The following BCAS3 variants were observed in gnomAD, a reference collection of about 807,000 sequenced individuals.
The protein encoded by BCAS3 is BCAS3 microtubule associated cell migration factor.
In BCAS3, 53 loss-of-function variants were observed where a neutral mutation model predicts 116.1. The observed-to-expected ratio is 0.46, with a 90% CI of 0.37 to 0.57. The LOEUF (loss-of-function observed/expected upper bound fraction) is 0.57, where lower values mean the gene tolerates loss of function less well. BCAS3 is among the 20% of genes least tolerant of loss of function. BCAS3 has a pLI of 0.00. For synonymous variants in BCAS3, 391 were observed against 408.2 expected (o/e 0.96, Z 0.51); for missense variants, 917 against 1,165.4 (o/e 0.79, Z 3.10).
chr17:61,340,160 A>G (rs1197982711), intron 22 of BCAS3, among the ~76,000 whole-genome samples: 1 of 152,096 alleles, frequency 6.6e-6, no homozygotes, highest in East Asian at 1.9e-4. Context: ...TAAGGGAAAG[A>G]GAGAAATGGG....
chr17:60,833,680 C>T (rs1338613377), intron 7 of BCAS3, among the ~76,000 whole-genome samples: 9 of 152,122 alleles, frequency 5.9e-5, no homozygotes, highest in South Asian at 4.1e-4. Context: ...TTATTTCGTT[C>T]GGTACATATG....
At chr17:61,165,667 CAA>C (rs956363538) in intron 22 of BCAS3, among the ~76,000 whole-genome samples, 4 of 152,130 alleles carry the variant, frequency 2.6e-5, no homozygotes, top group Admixed American at 2.6e-4. Context: ...GTCTGGGTAA[CAA>C]GAGTGAAACT....
intron 21 of BCAS3, 50 bp downstream of exon 21, chr17:61,078,579 C>T (rs768444444): frequency 2.3e-5 from 34 of 1,475,854 alleles, no homozygotes; most frequent in African/African-American, 5.6e-5. Context: ...TTAATATGTT[C>T]GTGTGAAATG....
chr17:61,149,086 A>C (rs7211464), intron 22 of BCAS3, among the ~76,000 whole-genome samples: 12,788 of 152,132 alleles, frequency 0.084, 1,824 homozygotes, highest in African/African-American at 0.29. Flanking sequence ...GAGTTCTTCA[A>C]GTTTCTCAAA....
chr17:60,900,334 A>G (rs2057802774), intron 10 of BCAS3: 1 of 152,104 alleles, frequency 6.6e-6, no homozygotes, highest in South Asian at 2.1e-4. Flanking sequence ...CCCTATGTTA[A>G]GTTTCAGGGC....
chr17:61,033,120 C>A (rs775095440), intron 16 of BCAS3, among the ~76,000 whole-genome samples: 16 of 152,198 alleles, frequency 1.1e-4, no homozygotes, highest in Admixed American at 8.5e-4. Context: ...GGCTGAGGGC[C>A]ATATAGAAAA....
intron 6 of BCAS3, among the ~76,000 whole-genome samples, chr17:60,793,726 G>T (rs2046975554): frequency 6.6e-6 from 1 of 152,060 alleles, no homozygotes. Context: ...TGCAAATGCT[G>T]TTAGTTCATT....
intron 19 of BCAS3, chr17:61,070,038 A>AC (rs1568280454): frequency 1.3e-6 from 2 of 1,595,382 alleles, no homozygotes; most frequent in Non-Finnish European, 1.7e-6. Context: ...GACTCTGGAG[A>AC]CAGCCCAAAT....
intron 22 of BCAS3, among the ~76,000 whole-genome samples, chr17:61,167,800 A>T (rs2144098937): frequency 6.6e-6 from 1 of 152,338 alleles, no homozygotes; most frequent in East Asian, 1.9e-4. Context: ...GTTTGGAAGG[A>T]CATTTCATAC....
chr17:61,011,283 A>G (rs1292274082), intron 15 of BCAS3, among the ~76,000 whole-genome samples: 1 of 152,000 alleles, frequency 6.6e-6, no homozygotes, highest in Non-Finnish European at 1.5e-5. Flanking sequence ...ATAGCAATAG[A>G]CTTCATCTAG....
chr17:61,205,915 G>A lies in BCAS3; in HGVS notation c.2425+121351G>A, dbSNP rs1431135734. On this transcript the variant is annotated intron_variant, in intron 22 of 23. Coordinates refer to ENST00000407086, the MANE Select transcript of BCAS3 (RefSeq NM_017679.5). The surrounding 1 kb of genome is among the most constrained non-coding windows in gnomAD (Gnocchi z 5.2). Reference sequence around the variant, plus strand: ...ACCAAAAAGACAGCCCTTTTGCTTAGTTAGGAAGATAATTTATGTCCCCAA... The same window carrying A: ...ACCAAAAAGACAGCCCTTTTGCTTAATTAGGAAGATAATTTATGTCCCCAA... Among the ~76,000 whole-genome samples, 3 of 152,192 alleles carry A rather than the reference G, an allele frequency of 2.0e-5. No individual in the cohort carries two copies. Among genetic ancestry groups the A allele is most frequent in the Admixed American group, 1.3e-4 (2 of 15,284 alleles).
At chr17:60,792,957 T>C (rs2046904968) in intron 6 of BCAS3, among the ~76,000 whole-genome samples, 1 of 151,734 alleles carries the variant, frequency 6.6e-6, no homozygotes, top group African/African-American at 2.4e-5. Flanking sequence ...CTAGTGTGAC[T>C]GTGTTAGATA....
chr17:60,786,568 T>TATATATATATATATATATATAA (rs2046305914), intron 6 of BCAS3, among the ~76,000 whole-genome samples: 1 of 147,318 alleles, frequency 6.8e-6, no homozygotes, highest in Admixed American at 6.7e-5. Flanking sequence ...TATATATATA[T>TATATATATATATATATATATAA]ATAAAATGTG....
intron 22 of BCAS3, among the ~76,000 whole-genome samples, chr17:61,170,522 G>C (rs531737150): frequency 5.0e-4 from 76 of 151,870 alleles, no homozygotes; most frequent in Admixed American, 8.5e-4. Flanking sequence ...TTGATCTCCT[G>C]ACCTCATGAT....
rs1162431613 is a variant in BCAS3, at chr17:61,259,952, G to A, written c.2426-108375G>A. 6.6e-6 allele frequency among the ~76,000 whole-genome samples: 1 copy of A among 152,202 alleles called. No homozygotes were observed. Among genetic ancestry groups the A allele is most frequent in the Non-Finnish European group, 1.5e-5 (1 of 68,032 alleles). ...CACTATTTATTGAATTGCTGTGTGA[G>A]GTAGGCGTTGTACAGGCTGCCTAAC... On this transcript the variant is annotated intron_variant, in intron 22 of 23. Coordinates refer to ENST00000407086, the MANE Select transcript of BCAS3 (RefSeq NM_017679.5). The surrounding 1 kb of genome is among the most constrained non-coding windows in gnomAD (Gnocchi z 4.7).
rs1006669925 is a variant in BCAS3, at chr17:61,180,681, G to A, written c.2425+96117G>A. ...CTGAGGAGCATCAGTCCCATGCTTCGTGTCTGCACAGTGGAACATAAAGCA... is the reference window on the plus strand; with the variant it reads ...CTGAGGAGCATCAGTCCCATGCTTCATGTCTGCACAGTGGAACATAAAGCA... On this transcript the variant is annotated intron_variant, in intron 22 of 23. Transcript: ENST00000407086. This position sits in a 1 kb window ranked among gnomAD's most constrained non-coding sequence, Gnocchi z 6.0. Among the ~76,000 whole-genome samples the A allele has an allele frequency of 3.3e-5, 5 of 152,204 alleles. No individual in the cohort carries two copies. Among genetic ancestry groups the A allele is most frequent in the East Asian group, 1.9e-4 (1 of 5,204 alleles).
At chr17:60,799,806 T>C (rs981996275) in intron 6 of BCAS3, among the ~76,000 whole-genome samples, 2 of 140,388 alleles carry the variant, frequency 1.4e-5, no homozygotes, top group Admixed American at 7.6e-5. Flanking sequence ...TCTGCCTGCC[T>C]CGGCCTCCCA....
Position 61,228,249 on chromosome 17 carries a change from T to G in BCAS3, c.2426-140078T>G, listed in dbSNP as rs1357605530. Among the ~76,000 whole-genome samples the G allele has an allele frequency of 6.6e-6, 1 of 152,206 alleles. No homozygotes were observed. Among genetic ancestry groups the G allele is most frequent in the African/African-American group, 2.4e-5 (1 of 41,452 alleles). On this transcript the variant is annotated intron_variant, in intron 22 of 23. Coordinates refer to ENST00000407086, the MANE Select transcript of BCAS3 (RefSeq NM_017679.5). The surrounding 1 kb of genome is among the most constrained non-coding windows in gnomAD (Gnocchi z 5.0). ...TTATTATTTTGCTTTGAGATTCTCC[T>G]AAGCCCCAGCTGAGAAATTATGAAG...
intron 13 of BCAS3, among the ~76,000 whole-genome samples, chr17:60,943,648 G>A (rs536618410): frequency 6.6e-6 from 1 of 151,996 alleles, no homozygotes; most frequent in Non-Finnish European, 1.5e-5. Context: ...GGAACAGAAA[G>A]CAGTCAGTCA....
Sources: gnomAD v4.1 joint callset for allele counts (sites outside exome capture counted in the v4.1 genomes callset) on GRCh38, gnomAD v4.1.1 for gene constraint, Gnocchi (gnomAD v3.1) non-coding constraint, MANE v1.5 for transcripts, NCBI Gene and HGNC (gene_info 2026-07-23, HGNC 2026-07-21) for gene names.